The following CPNE8 variants were observed in gnomAD, a reference collection of about 807,000 sequenced individuals.
CPNE8 encodes copine-8.
A neutral mutation model predicts 81.5 loss-of-function variants in CPNE8; 45 were observed. That is an observed-to-expected ratio of 0.55 (90% CI 0.44 to 0.71). CPNE8 has a LOEUF of 0.71. CPNE8 is among the 30% of genes least tolerant of loss of function. The pLI, the probability that CPNE8 is intolerant of heterozygous loss-of-function variation, is 0.00. For missense variants in CPNE8, 594 were observed against 672.1 expected, an observed-to-expected ratio of 0.88 and a Z score of 1.28; for synonymous variants, 252 against 226.3, an observed-to-expected ratio of 1.11 and a Z score of -1.02.
At chr12:38,782,295 T>C (rs1942071612) in intron 6 of CPNE8, among the ~76,000 whole-genome samples, 1 of 152,134 alleles carries the variant, frequency 6.6e-6, no homozygotes, top group Admixed American at 6.6e-5. Context: ...AGACTAGAAT[T>C]AAAACAACTA....
chr12:38,735,366 TGGGCAGA>T, intron 10 of CPNE8, among the ~76,000 whole-genome samples: 1 of 152,176 alleles, frequency 6.6e-6, no homozygotes, highest in African/African-American at 2.4e-5. Context: ...TCTGTATTTG[TGGGCAGA>T]GGGCAGCAGA....
chr12:38,694,697 A>C (rs1009284335), intron 14 of CPNE8, among the ~76,000 whole-genome samples: 4 of 152,208 alleles, frequency 2.6e-5, no homozygotes, highest in Admixed American at 1.3e-4. Flanking sequence ...TGAAATTCAC[A>C]ACAAGTTGCC....
At chr12:38,708,141 C>G (rs1020613387) in intron 13 of CPNE8, among the ~76,000 whole-genome samples, 1 of 152,090 alleles carries the variant, frequency 6.6e-6, no homozygotes, top group African/African-American at 2.4e-5. Context: ...CTTACTAAAT[C>G]AAGTGTCATA....
chr12:38,685,973 C>T (rs944673405), intron 15 of CPNE8, among the ~76,000 whole-genome samples: 4 of 151,884 alleles, frequency 2.6e-5, no homozygotes, highest in African/African-American at 9.7e-5. Flanking sequence ...TATAGAAATC[C>T]TAAAAAGAAG....
chr12:38,702,477 A>G (rs773852797), intron 14 of CPNE8, among the ~76,000 whole-genome samples: 23 of 152,290 alleles, frequency 1.5e-4, no homozygotes, highest in Admixed American at 7.2e-4. Context: ...AAATTCATAC[A>G]TACAAAAGTA....
intron 19 of CPNE8, among the ~76,000 whole-genome samples, chr12:38,657,975 C>T (rs1439703432): frequency 2.0e-5 from 3 of 152,096 alleles, no homozygotes; most frequent in Non-Finnish European, 4.4e-5. Flanking sequence ...ATTCTAAAAA[C>T]CAGAGCGCCA....
intron 16 of CPNE8, among the ~76,000 whole-genome samples, chr12:38,684,039 C>T (rs1288659385): frequency 6.6e-6 from 1 of 152,004 alleles, no homozygotes; most frequent in Non-Finnish European, 1.5e-5. Flanking sequence ...TTCTAATAAC[C>T]AGCATGAGTT....
At chr12:38,763,888 C>A (rs186936815) in intron 8 of CPNE8, among the ~76,000 whole-genome samples, 1 of 150,660 alleles carries the variant, frequency 6.6e-6, no homozygotes, top group Admixed American at 6.6e-5. Context: ...ATGAAATATC[C>A]CCCCTTTGAT....
intron 6 of CPNE8, among the ~76,000 whole-genome samples, chr12:38,795,942 A>C (rs1942458431): frequency 6.6e-6 from 1 of 151,644 alleles, no homozygotes; most frequent in Non-Finnish European, 1.5e-5. Context: ...TTATTCTGAG[A>C]ATACAAGACT....
At chr12:38,677,092 T>C (rs532899341) in intron 17 of CPNE8, among the ~76,000 whole-genome samples, 24 of 152,292 alleles carry the variant, frequency 1.6e-4, no homozygotes, top group African/African-American at 5.8e-4. Context: ...TTAGCTATCA[T>C]AGTTCTCCTC....
At chr12:38,870,278 C>T (rs1212994676) in intron 3 of CPNE8, among the ~76,000 whole-genome samples, 3 of 152,112 alleles carry the variant, frequency 2.0e-5, no homozygotes, top group Non-Finnish European at 4.4e-5. Flanking sequence ...CCCAGCAATC[C>T]CATTACTGGA....
intron 1 of CPNE8, among the ~76,000 whole-genome samples, chr12:38,900,448 C>A (rs759398539): frequency 5.3e-5 from 8 of 152,106 alleles, no homozygotes; most frequent in Non-Finnish European, 1.0e-4. Context: ...TATTCTGTGC[C>A]AAGCTCAGAA....
intron 10 of CPNE8, among the ~76,000 whole-genome samples, chr12:38,746,067 C>T (rs553525952): frequency 2.0e-5 from 3 of 152,256 alleles, no homozygotes; most frequent in East Asian, 3.9e-4. Flanking sequence ...ATATGTATTT[C>T]TCGCAATCAG....
intron 6 of CPNE8, among the ~76,000 whole-genome samples, chr12:38,824,062 G>T (rs767733420): frequency 5.3e-5 from 8 of 152,134 alleles, no homozygotes; most frequent in Non-Finnish European, 7.4e-5. Context: ...GATGAGAAAC[G>T]TGTTTGCCCA....
chr12:38,682,864 GA>G (rs2136656682), intron 16 of CPNE8, among the ~76,000 whole-genome samples: 1 of 152,248 alleles, frequency 6.6e-6, no homozygotes, highest in South Asian at 2.1e-4. Flanking sequence ...TTGAATACTG[GA>G]TGTTCTTGAA....
intron 13 of CPNE8, among the ~76,000 whole-genome samples, chr12:38,713,495 A>T (rs1158192852): frequency 6.6e-6 from 1 of 152,284 alleles, no homozygotes; most frequent in East Asian, 1.9e-4. Flanking sequence ...TGACTCGTGG[A>T]GAGAGTAAGA....
chr12:38,757,108 T>C (rs926573890), intron 10 of CPNE8, among the ~76,000 whole-genome samples: 3 of 152,132 alleles, frequency 2.0e-5, no homozygotes, highest in African/African-American at 7.2e-5. Context: ...ACAATGTTAG[T>C]CCAAGTTCTC....
chr12:38,876,891 T>A (rs938768148), intron 1 of CPNE8, among the ~76,000 whole-genome samples: 1 of 152,214 alleles, frequency 6.6e-6, no homozygotes, highest in Admixed American at 6.5e-5. Flanking sequence ...TCAGTTTAGA[T>A]TTATTTTAGG....
intron 6 of CPNE8, among the ~76,000 whole-genome samples, chr12:38,806,610 A>T (rs376825145): frequency 6.7e-6 from 1 of 148,210 alleles, no homozygotes; most frequent in Non-Finnish European, 1.5e-5. Context: ...TCTCAAAATA[A>T]TAAGAGCTAT....
Sources: allele counts gnomAD v4.1 joint callset (sites outside exome capture counted in the v4.1 genomes callset), GRCh38; gene constraint gnomAD v4.1.1; transcripts MANE v1.5; gene names NCBI Gene and HGNC (gene_info 2026-07-23, HGNC 2026-07-21).